Variants in PRRC2B observed in about 807,000 individuals in gnomAD.
PRRC2B encodes the protein proline rich coiled-coil 2B.
PRRC2B carries 68 observed loss-of-function variants against 242.3 expected under a neutral mutation model. The observed-to-expected ratio is 0.28, with a 90% CI of 0.23 to 0.34. The LOEUF is 0.34. PRRC2B is among the 10% of genes least tolerant of loss of function. The probability of loss-of-function intolerance (pLI) is 1.00; values close to 1 mark genes in which losing one functional copy is unlikely to be tolerated. For synonymous variants in PRRC2B, 1,228 were observed against 1,173.6 expected, an observed-to-expected ratio of 1.05 and a Z score of -0.95; for missense variants, 2,835 against 2,954.8, an observed-to-expected ratio of 0.96 and a Z score of 0.94.
At chr9:131,412,294 T>C (rs943430956) in intron 1 of PRRC2B, among the ~76,000 whole-genome samples, 1 of 152,228 alleles carries the variant, frequency 6.6e-6, no homozygotes, top group Non-Finnish European at 1.5e-5. Context: ...CTTGCTCTTT[T>C]GTGTCTGTCT....
intron 1 of PRRC2B, among the ~76,000 whole-genome samples, chr9:131,408,773 C>G (rs1194550729): frequency 1.3e-5 from 2 of 151,520 alleles, no homozygotes; most frequent in East Asian, 1.9e-4. Context: ...GGCTGGAGTG[C>G]AAATGATATG....
rs369418138 is a variant in PRRC2B at position 131,475,419 on chromosome 9, G to T, written c.3290G>T (p.Arg1097Leu). Reference protein sequence around the residue: ...GLCGGGVLGARSIYCSSQRSG... With the variant: ...GLCGGGVLGALSIYCSSQRSG... ...TGTGGTGGGGGGGTCCTGGGGGCCCGCAGCATCTACTGCAGCAGTCAGCGC... is the reference window on the plus strand; with the variant it reads ...TGTGGTGGGGGGGTCCTGGGGGCCCTCAGCATCTACTGCAGCAGTCAGCGC... The change falls in exon 16 of 32, where the codon CGC becomes CTC. Residue 1097 changes from arginine to leucine, a missense_variant. Physicochemically the swap from Arg to Leu is moderately radical, Grantham distance 102. Transcript: ENST00000683519. 6.3e-7 allele frequency: 1 copy of T among 1,576,532 alleles called. No homozygotes were observed. Among genetic ancestry groups the T allele is most frequent in the East Asian group, 2.2e-5 (1 of 44,492 alleles).
intron 9 of PRRC2B, among the ~76,000 whole-genome samples, chr9:131,449,398 T>A (rs917169444): frequency 1.3e-5 from 2 of 152,180 alleles, no homozygotes; most frequent in Non-Finnish European, 2.9e-5. Context: ...CTCACTTTGT[T>A]TCCTAGGTTG....
intron 11 of PRRC2B, among the ~76,000 whole-genome samples, chr9:131,461,164 T>C (rs1448174816): frequency 1.3e-5 from 2 of 152,152 alleles, no homozygotes; most frequent in Non-Finnish European, 2.9e-5. Flanking sequence ...AGTCTCCCCA[T>C]GTATGACCAA....
intron 10 of PRRC2B, among the ~76,000 whole-genome samples, chr9:131,458,812 A>T (rs921604557): frequency 1.3e-5 from 2 of 152,128 alleles, no homozygotes; most frequent in Non-Finnish European, 2.9e-5. Context: ...CCCTCTTATA[A>T]TGTTTTAAGA....
chr9:131,447,049 T>TA, intron 7 of PRRC2B, 36 bp from the exon 8 acceptor site: 1 of 1,612,758 alleles, frequency 6.2e-7, no homozygotes, highest in Non-Finnish European at 8.5e-7. Context: ...TTTCAGCCAT[T>TA]ACCAGCAAAT....
chr9:131,486,056 C>G, intron 25 of PRRC2B, 29 bp from the exon 26 acceptor site: 1 of 1,456,338 alleles, frequency 6.9e-7, no homozygotes, highest in Non-Finnish European at 9.6e-7. Flanking sequence ...TGATCCTCTT[C>G]TACGTCCCTT....
intron 1 of PRRC2B, among the ~76,000 whole-genome samples, chr9:131,429,163 T>A (rs1588244861): frequency 6.6e-6 from 1 of 152,178 alleles, no homozygotes; most frequent in South Asian, 2.1e-4. Context: ...GCCAGGCAGG[T>A]CTCGAACTCC....
chr9:131,475,178 G>A lies in PRRC2B; in HGVS notation c.3049G>A (p.Ala1017Thr). The A allele has an allele frequency of 6.2e-7, 1 of 1,613,548 alleles. No homozygotes were observed. Among genetic ancestry groups the A allele is most frequent in the Non-Finnish European group, 8.5e-7 (1 of 1,179,764 alleles). ...TGGCCATGCCACTTTTGGCCGCGAG[G>A]CCACCAAATTTGAAGAGGAGGAGAA... ...GPGHATFGRE[A>T]TKFEEEEKPD... is the part of the protein sequence containing the mutation. Residue 1017 changes from alanine (A) to threonine (T), a missense_variant, in exon 16 of 32, where the codon GCC becomes ACC. Ala to Thr is a moderately conservative substitution (Grantham distance 58, BLOSUM62 0). Transcript: ENST00000683519.
chr9:131,467,850 A>T, intron 13 of PRRC2B, 97 bp downstream of exon 13: 1 of 1,266,272 alleles, frequency 7.9e-7, no homozygotes, highest in Non-Finnish European at 1.1e-6. Flanking sequence ...CCAACTTAGA[A>T]AAAGGCCAGA....
intron 2 of PRRC2B, among the ~76,000 whole-genome samples, chr9:131,430,595 GTA>G (rs771525029): frequency 0.044 from 6,101 of 138,380 alleles, 167 homozygotes; most frequent in African/African-American, 0.053. Flanking sequence ...GTGTGTGTGT[GTA>G]TATATATGTT....
intron 11 of PRRC2B, among the ~76,000 whole-genome samples, chr9:131,462,836 T>TGAAAAAA (rs1554763506): frequency 2.4e-5 from 2 of 81,940 alleles, no homozygotes; most frequent in Non-Finnish European, 2.2e-5. Context: ...AGACTCCGTC[T>TGAAAAAA]AAAAAAAAAA....
intron 1 of PRRC2B, among the ~76,000 whole-genome samples, chr9:131,383,410 G>T (rs1002255014): frequency 1.3e-5 from 2 of 152,016 alleles, no homozygotes; most frequent in African/African-American, 4.8e-5. Flanking sequence ...TTACAAGTTA[G>T]CTGTGGCCAA....
chr9:131,383,950 G>A (rs1312849808), intron 1 of PRRC2B, among the ~76,000 whole-genome samples: 1 of 151,776 alleles, frequency 6.6e-6, no homozygotes, highest in African/African-American at 2.4e-5. Context: ...CGACAGGCTT[G>A]CTCTGTCACC....
chr9:131,464,176 A>C (rs1943325598), intron 11 of PRRC2B, among the ~76,000 whole-genome samples: 1 of 152,204 alleles, frequency 6.6e-6, no homozygotes. Flanking sequence ...TCCTGACCTC[A>C]GGTGATCCAC....
Position 131,487,422 on chromosome 9 carries a change from A to G in PRRC2B, c.5984+128A>G. On this transcript the variant is annotated intron_variant, in intron 27 of 31. Transcript: ENST00000683519. The surrounding 1 kb of genome is among the most constrained non-coding windows in gnomAD (Gnocchi z 5.3). Reference sequence around the variant, plus strand: ...GGCCAGTGGGGCGGGGAGGGGTGGGAGTTTGCTCTGAATCACTCTTCAGTC... The same window carrying G: ...GGCCAGTGGGGCGGGGAGGGGTGGGGGTTTGCTCTGAATCACTCTTCAGTC... 1.2e-6 allele frequency: 1 copy of G among 811,944 alleles called. No individual in the cohort carries two copies. Among genetic ancestry groups the G allele is most frequent in the Admixed American group, 2.9e-5 (1 of 33,976 alleles). 50.3% of individuals were successfully genotyped at this position (811,944 alleles called of 1,614,324 possible).
chr9:131,398,886 G>A (rs927813062), intron 1 of PRRC2B, among the ~76,000 whole-genome samples: 7 of 152,188 alleles, frequency 4.6e-5, no homozygotes, highest in Non-Finnish European at 1.0e-4. Context: ...GCTGAAGCAG[G>A]AGGATCACTT....
chr9:131,381,722 T>C (rs972781769), intron 1 of PRRC2B, among the ~76,000 whole-genome samples: 16 of 151,012 alleles, frequency 1.1e-4, no homozygotes, highest in African/African-American at 3.9e-4. Flanking sequence ...CCTGGCCAAT[T>C]CTTTTTTTAA....
Position 131,478,003 on chromosome 9 carries a change from T to G in PRRC2B, c.4612+54T>G, listed in dbSNP as rs568859976. ...AGAACTCAGGCAGAACCAGGGGCCA[T>G]GCAGTCCTCGGGCCTCCCGAGTTTG... is the stretch of plus-strand genomic sequence containing the variant. On this transcript the variant is annotated intron_variant, in intron 17 of 31. Transcript: ENST00000683519. The G allele has an allele frequency of 3.2e-6, 5 of 1,538,758 alleles. No individual in the cohort carries two copies. The South Asian group carries it at 4.5e-5, about 14-fold the overall frequency.
Sources: allele counts gnomAD v4.1 joint callset (sites outside exome capture counted in the v4.1 genomes callset), GRCh38; gene constraint gnomAD v4.1.1; non-coding constraint Gnocchi (gnomAD v3.1); transcripts MANE v1.5; gene names NCBI Gene and HGNC (gene_info 2026-07-23, HGNC 2026-07-21).